CLSTN2: variants seen among roughly 807,000 people sequenced by gnomAD.
CLSTN2 encodes calsyntenin 2.
CLSTN2 carries 48 observed loss-of-function variants against 101.2 expected under a neutral mutation model. The ratio of observed to expected loss-of-function variants is 0.47; its 90% confidence interval spans 0.38 to 0.60. The LOEUF (loss-of-function observed/expected upper bound fraction) is 0.60. CLSTN2 is among the 20% of genes least tolerant of loss of function. CLSTN2 has a pLI of 0.00. For synonymous variants in CLSTN2, 481 were observed against 463.6 expected (o/e 1.04, Z -0.48); for missense variants, 1,160 against 1,238.2 (o/e 0.94, Z 0.95).
intron 1 of CLSTN2, among the ~76,000 whole-genome samples, chr3:140,126,289 G>A (rs34947371): frequency 6.6e-6 from 1 of 151,820 alleles, no homozygotes; most frequent in African/African-American, 2.4e-5. Flanking sequence ...TGGCTTGGAA[G>A]TAGGCAGATG....
chr3:140,179,490 G>A (rs1303764970), intron 2 of CLSTN2, among the ~76,000 whole-genome samples: 1 of 150,242 alleles, frequency 6.7e-6, no homozygotes, highest in Non-Finnish European at 1.5e-5. Context: ...ATAATTAGCT[G>A]GGTGTGTTGG....
intron 2 of CLSTN2, among the ~76,000 whole-genome samples, chr3:140,268,821 C>T (rs998045213): frequency 2.0e-5 from 3 of 152,268 alleles, no homozygotes; most frequent in South Asian, 4.1e-4. Context: ...CATTACGCAA[C>T]CCACTTGCCC....
At chr3:140,523,680 A>AT (rs1261249323) in intron 8 of CLSTN2, among the ~76,000 whole-genome samples, 1 of 152,104 alleles carries the variant, frequency 6.6e-6, no homozygotes, top group South Asian at 2.1e-4. Context: ...GGGTTCCCTT[A>AT]TTTTCCCAAA....
At chr3:140,228,361 C>T (rs1559812448) in intron 2 of CLSTN2, among the ~76,000 whole-genome samples, 2 of 152,198 alleles carry the variant, frequency 1.3e-5, no homozygotes, top group Non-Finnish European at 2.9e-5. Flanking sequence ...CCTAAAAGCT[C>T]CTCATCTCCA....
chr3:140,056,096 G>C (rs182856634), intron 1 of CLSTN2, among the ~76,000 whole-genome samples: 1 of 152,158 alleles, frequency 6.6e-6, no homozygotes, highest in African/African-American at 2.4e-5. Context: ...GAAGAAAGAC[G>C]GTTTGTTCGC....
At chr3:140,414,662 A>C (rs182033353) in intron 4 of CLSTN2, among the ~76,000 whole-genome samples, 6 of 152,178 alleles carry the variant, frequency 3.9e-5, no homozygotes, top group Admixed American at 1.3e-4. Context: ...CCTAGACTTC[A>C]CCACTATACA....
intron 2 of CLSTN2, among the ~76,000 whole-genome samples, chr3:140,177,595 G>A (rs1456043082): frequency 6.6e-6 from 1 of 152,020 alleles, no homozygotes; most frequent in Non-Finnish European, 1.5e-5. Context: ...TTCAAGACAA[G>A]CCTGGGCAAC....
chr3:140,123,548 G>T (rs1157040302), intron 1 of CLSTN2, among the ~76,000 whole-genome samples: 2 of 152,098 alleles, frequency 1.3e-5, no homozygotes, highest in African/African-American at 4.8e-5. Context: ...AGGGATCCTT[G>T]CCCTTGTGGT....
At chr3:140,338,153 C>A (rs2087460492) in intron 2 of CLSTN2, among the ~76,000 whole-genome samples, 2 of 152,058 alleles carry the variant, frequency 1.3e-5, no homozygotes, top group Admixed American at 1.3e-4. Context: ...ACCTTTGGGC[C>A]CTGGGACAGC....
At chr3:140,015,760 C>A (rs1465990616) in intron 1 of CLSTN2, among the ~76,000 whole-genome samples, 3 of 152,244 alleles carry the variant, frequency 2.0e-5, no homozygotes, top group African/African-American at 7.2e-5. Flanking sequence ...GCCTGTCTGC[C>A]TAGAGCAGTT....
rs1178840980 is a variant in CLSTN2 at position 140,313,130 on chromosome 3, T to C, written c.233-90499T>C. On this transcript the variant is annotated intron_variant, in intron 2 of 16. Coordinates refer to ENST00000458420, the MANE Select transcript of CLSTN2 (RefSeq NM_022131.3). Reference sequence around the variant, plus strand: ...GCTGAATCTGACACTGCCTGTACTATCCAGAAACCCTATTTTGGTAGAAAA... The same window carrying C: ...GCTGAATCTGACACTGCCTGTACTACCCAGAAACCCTATTTTGGTAGAAAA... Among the ~76,000 whole-genome samples the C allele has an allele frequency of 3.3e-5, 5 of 152,276 alleles. No homozygotes were observed. In the South Asian group the frequency reaches 1.0e-3, roughly 32 times the overall value.
At chr3:139,954,341 T>C (rs1304160045) in intron 1 of CLSTN2, among the ~76,000 whole-genome samples, 1 of 152,198 alleles carries the variant, frequency 6.6e-6, no homozygotes, top group Non-Finnish European at 1.5e-5. Context: ...TCAGCGCTTG[T>C]GTGCAGCACT....
At chr3:140,468,014 T>A (rs1003568768) in intron 8 of CLSTN2, among the ~76,000 whole-genome samples, 7 of 152,218 alleles carry the variant, frequency 4.6e-5, no homozygotes, top group Non-Finnish European at 7.3e-5. Flanking sequence ...GAAAAGTTGC[T>A]AGGGGAGCCC....
chr3:140,189,482 A>G (rs1006383476), intron 2 of CLSTN2, among the ~76,000 whole-genome samples: 1 of 152,044 alleles, frequency 6.6e-6, no homozygotes, highest in Non-Finnish European at 1.5e-5. Context: ...TTTAATTTGC[A>G]TTTCTCTAAT....
At chr3:140,484,784 C>T (rs1934202890) in intron 8 of CLSTN2, among the ~76,000 whole-genome samples, 2 of 152,166 alleles carry the variant, frequency 1.3e-5, no homozygotes, top group African/African-American at 4.8e-5. Flanking sequence ...CATCACGTAG[C>T]TCTCGTGCTG....
At chr3:140,331,702 A>T (rs2087384821) in intron 2 of CLSTN2, among the ~76,000 whole-genome samples, 1 of 152,070 alleles carries the variant, frequency 6.6e-6, no homozygotes, top group South Asian at 2.1e-4. Context: ...CTATTTATAA[A>T]CCTAACCCTG....
chr3:140,192,856 G>C lies in CLSTN2; in HGVS notation c.232+16783G>C, dbSNP rs79169323. On this transcript the variant is annotated intron_variant, in intron 2 of 16. Coordinates refer to ENST00000458420, the MANE Select transcript of CLSTN2 (RefSeq NM_022131.3). ...TGTTGTTCTATTTTTTGGCGGGGTA[G>C]GGGGAGGTTCTGTTTTCCTGCTTTC... Among the ~76,000 whole-genome samples, 941 of 151,938 alleles carry C rather than the reference G, an allele frequency of 6.2e-3. 11 individuals carry two copies. The highest frequency in any genetic ancestry group is 0.017 in the South Asian group (80 of 4,820).
chr3:140,331,563 G>T (rs546866000), intron 2 of CLSTN2, among the ~76,000 whole-genome samples: 1 of 152,248 alleles, frequency 6.6e-6, no homozygotes, highest in East Asian at 1.9e-4. Context: ...CATTCCCTAG[G>T]CTGCATGGCT....
At chr3:140,236,633 C>T (rs144685629) in intron 2 of CLSTN2, among the ~76,000 whole-genome samples, 1,564 of 152,220 alleles carry the variant, frequency 0.01, 15 homozygotes, top group Non-Finnish European at 0.016. Flanking sequence ...TATCCCATAG[C>T]TCACCGATGC....
Sources: gnomAD v4.1 joint callset for allele counts (sites outside exome capture counted in the v4.1 genomes callset) on GRCh38, gnomAD v4.1.1 for gene constraint, MANE v1.5 for transcripts, NCBI Gene and HGNC (gene_info 2026-07-23, HGNC 2026-07-21) for gene names.